Variants in PXK observed in about 807,000 individuals in gnomAD.
PXK encodes the protein PX domain-containing protein kinase-like protein.
In PXK, 35 loss-of-function variants were observed where a neutral mutation model predicts 84.7. The observed-to-expected ratio is 0.41, with a 90% confidence interval of 0.32 to 0.55. The LOEUF (loss-of-function observed/expected upper bound fraction) is 0.55. Among genes scored for constraint, PXK ranks in the 20% least tolerant of loss-of-function variants. The pLI is 0.21. For synonymous variants in PXK, 253 were observed against 260.8 expected (o/e 0.97, Z 0.29); for missense variants, 634 against 699.7 (o/e 0.91, Z 1.06).
rs12152337 is a variant in PXK at position 58,379,544 on chromosome 3, T to C, written c.202-2970T>C. On this transcript the variant is annotated intron_variant, in intron 3 of 17. Coordinates refer to ENST00000356151, the MANE Select transcript of PXK (RefSeq NM_017771.5). The surrounding 1 kb of genome is among the most constrained non-coding windows in gnomAD (Gnocchi z 5.1). The stretch of plus-strand genomic sequence containing the variant: ...CTCCCACCAAGAAAGACTTTTAACT[T>C]GAAAGTGACCAAAACAAATAGGAAA... 45,415 of 155,326 alleles carry C rather than the reference T, an allele frequency of 0.29. 7,432 individuals are homozygous for C. Among genetic ancestry groups the C allele is most frequent in the Non-Finnish European group, 0.37 (24,967 of 68,034 alleles). 9.6% of individuals were successfully genotyped at this position (155,326 alleles called of 1,614,324 possible).
At position 58,333,020 on chromosome 3, in the gene PXK, A is replaced by C; in HGVS notation, c.32A>C (p.Lys11Thr). The C allele has an allele frequency of 7.3e-7, 1 of 1,367,164 alleles. No individual in the cohort carries two copies. Among genetic ancestry groups the C allele is most frequent in the South Asian group, 1.4e-5 (1 of 69,098 alleles). 84.7% of individuals were successfully genotyped at this position (1,367,164 alleles called of 1,614,324 possible). A position where few individuals can be genotyped will look rare whatever the true frequency, so the allele number is the denominator to read the frequency against. Residue 11 changes from lysine (K) to threonine (T), a missense_variant, in exon 1 of 18, where the codon AAG becomes ACG. By Grantham distance (78) the Lys-to-Thr change is moderately conservative (BLOSUM62 -1). Around this residue, in one of 3 missense-constraint regions of PXK, gnomAD observed 353 missense variants for 385.2 expected, o/e 0.92. Coordinates refer to ENST00000356151, the MANE Select transcript of PXK (RefSeq NM_017771.5). The surrounding 1 kb of genome is among the most constrained non-coding windows in gnomAD (Gnocchi z 5.4). The stretch of plus-strand genomic sequence containing the variant: ...TTCATGGAGAAGCCGCCAGCCGGCA[A>C]GGTGCTGCTGGACGACACGGTGCCG... Reference protein sequence around the residue: MAFMEKPPAGKVLLDDTVPLT... With the variant: MAFMEKPPAGTVLLDDTVPLT...
intron 1 of PXK, among the ~76,000 whole-genome samples, chr3:58,353,269 T>TTAC (rs2097979413): frequency 6.6e-6 from 1 of 152,206 alleles, no homozygotes; most frequent in African/African-American, 2.4e-5. Flanking sequence ...AGTGCTGGGA[T>TTAC]TACAGACATG....
chr3:58,393,982 G>A (rs1001797620), intron 7 of PXK, among the ~76,000 whole-genome samples: 2 of 152,124 alleles, frequency 1.3e-5, no homozygotes, highest in Admixed American at 1.3e-4. Context: ...ATTGTATGAT[G>A]GTTGTATAAC....
In PXK at chr3:58,425,044, G is replaced by A; in HGVS notation, c.*84G>A. 6.5e-7 allele frequency: 1 copy of A among 1,539,794 alleles called. No homozygotes were observed. Among genetic ancestry groups the A allele is most frequent in the Non-Finnish European group, 8.8e-7 (1 of 1,140,128 alleles). ...CCCAAACTACCCTCTTCCTGGGAAA[G>A]TAATTGCTGAGCCAGTACAGCCACA... On this transcript the variant is annotated 3_prime_UTR_variant, in exon 18 of 18. Transcript: ENST00000356151.
chr3:58,348,589 T>C (rs1575767730), intron 1 of PXK, among the ~76,000 whole-genome samples: 2 of 152,122 alleles, frequency 1.3e-5, no homozygotes, highest in Non-Finnish European at 2.9e-5. Flanking sequence ...ATCCAAAATA[T>C]TATAATTTCA....
At chr3:58,395,622 G>T in intron 8 of PXK, 36 bp from the exon 9 acceptor site, 1 of 1,528,176 alleles carries the variant, frequency 6.5e-7, no homozygotes, top group Non-Finnish European at 9.1e-7. Flanking sequence ...TGGCCCCTCT[G>T]CTGCTTTCTT....
At chr3:58,375,522 G>A (rs1010018767) in intron 3 of PXK, among the ~76,000 whole-genome samples, 2 of 152,236 alleles carry the variant, frequency 1.3e-5, no homozygotes, top group African/African-American at 2.4e-5. Context: ...AGATAACACC[G>A]TTTTGTTCAA....
At chr3:58,338,872 A>G (rs950630550) in intron 1 of PXK, among the ~76,000 whole-genome samples, 3 of 151,828 alleles carry the variant, frequency 2.0e-5, no homozygotes, top group Non-Finnish European at 4.4e-5. Flanking sequence ...TAGTAGAGAC[A>G]GGGTTTCACC....
intron 17 of PXK, chr3:58,423,354 C>T: frequency 6.8e-7 from 1 of 1,475,550 alleles, no homozygotes; most frequent in South Asian, 1.2e-5. Context: ...AACCAATGAA[C>T]ATGTTGGTCA....
chr3:58,362,280 G>T (rs1425944176), intron 1 of PXK, among the ~76,000 whole-genome samples: 1 of 152,050 alleles, frequency 6.6e-6, no homozygotes, highest in Admixed American at 6.6e-5. Context: ...GCCTAAACCT[G>T]GATCCCAGAT....
chr3:58,412,935 G>A lies in PXK; in HGVS notation c.1500G>A (p.Pro500=), dbSNP rs377154965. The A allele has an allele frequency of 2.2e-5, 36 of 1,614,090 alleles. No homozygotes were observed. The African/African-American group carries it at 2.4e-4, about 11-fold the overall frequency. Residue 500 remains proline, a synonymous_variant, in exon 17 of 18, where the codon CCG becomes CCA. Transcript: ENST00000356151. This position sits in a 1 kb window ranked among gnomAD's most constrained non-coding sequence, Gnocchi z 6.2. ...GGGCCAGCTCACCTCTCACGTCCCCGTCATCGCCAACTCCACCCTCTACAT... is the reference window on the plus strand; with the variant it reads ...GGGCCAGCTCACCTCTCACGTCCCCATCATCGCCAACTCCACCCTCTACAT... ...GSGASSPLTS[P]SSPTPPSTSG... is the part of the protein sequence containing the mutation.
At chr3:58,396,156 A>T (rs934245026) in intron 9 of PXK, among the ~76,000 whole-genome samples, 7 of 152,178 alleles carry the variant, frequency 4.6e-5, no homozygotes, top group Non-Finnish European at 1.0e-4. Flanking sequence ...CTAGATCAGG[A>T]TTCTCCAAGC....
chr3:58,366,135 A>G (rs1202703717), intron 2 of PXK, among the ~76,000 whole-genome samples: 1 of 152,146 alleles, frequency 6.6e-6, no homozygotes, highest in Non-Finnish European at 1.5e-5. Flanking sequence ...TGTGATTGAT[A>G]TTACTATGGA....
intron 9 of PXK, 43 bp downstream of exon 9, chr3:58,395,802 A>G (rs768694991): frequency 1.3e-6 from 2 of 1,499,444 alleles, no homozygotes; most frequent in East Asian, 2.3e-5. Context: ...ATTTCATCCA[A>G]AATTGCATTA....
At chr3:58,334,231 G>A (rs7610449) in intron 1 of PXK, among the ~76,000 whole-genome samples, 117,359 of 152,210 alleles carry the variant, frequency 0.77, 45,888 homozygotes, top group East Asian at 1. Flanking sequence ...TCTGACAGCC[G>A]TGCTTTGTAG....
At position 58,412,929 on chromosome 3, in the gene PXK, G is replaced by A. The variant is rs766128521; in HGVS notation, c.1494G>A (p.Thr498=). 16 of 1,614,112 alleles carry A rather than the reference G, an allele frequency of 9.9e-6. No homozygotes were observed. The highest frequency in any genetic ancestry group is 2.2e-5 in the South Asian group (2 of 91,084). Residue 498 remains threonine, a synonymous_variant, in exon 17 of 18, where the codon ACG becomes ACA. Transcript: ENST00000356151. This position sits in a 1 kb window ranked among gnomAD's most constrained non-coding sequence, Gnocchi z 6.2. ...GATCTGGGGCCAGCTCACCTCTCAC[G>A]TCCCCGTCATCGCCAACTCCACCCT... ...SAGSGASSPL[T]SPSSPTPPST... is the part of the protein sequence containing the mutation.
At position 58,372,631 on chromosome 3, in the gene PXK, A is replaced by AC. The variant is rs778964930; in HGVS notation, c.201+3153_201+3154insC. On this transcript the variant is annotated intron_variant, in intron 3 of 17. Transcript: ENST00000356151. ...GCCCAGCAAAAGCTGCATTTTCTAA[A>AC]GTTTTTTTTTTTTGAGATGGAGTCT... Among the ~76,000 whole-genome samples the AC allele has an allele frequency of 9.1e-3, 1,149 of 126,844 alleles. 13 individuals are homozygous for AC. Among genetic ancestry groups the AC allele is most frequent in the African/African-American group, 0.025 (844 of 33,594 alleles). The allele number at this position is 126,844 out of a possible 152,430, so 83.2% of individuals were successfully genotyped here.
intron 1 of PXK, among the ~76,000 whole-genome samples, chr3:58,338,702 T>C (rs1164125513): frequency 6.6e-6 from 1 of 151,880 alleles, no homozygotes; most frequent in Non-Finnish European, 1.5e-5. Flanking sequence ...TTTTTTTTTT[T>C]TTAGCTGGAG....
At chr3:58,422,825 C>G in intron 17 of PXK, 1 of 985,422 alleles carries the variant, frequency 1.0e-6, no homozygotes, top group Non-Finnish European at 1.2e-6. Flanking sequence ...AGTGCTGAGC[C>G]TTTAGTAGAA....
Sources: allele counts gnomAD v4.1 joint callset (sites outside exome capture counted in the v4.1 genomes callset), GRCh38; gene constraint gnomAD v4.1.1; regional missense constraint gnomAD v4.1.1; non-coding constraint Gnocchi (gnomAD v3.1); transcripts MANE v1.5; gene names NCBI Gene and HGNC (gene_info 2026-07-23, HGNC 2026-07-21).